Variants in UGT8 observed in about 807,000 individuals in gnomAD.
UGT8 encodes the protein UDP glycosyltransferase 8, also known as 2-hydroxyacylsphingosine 1-beta-galactosyltransferase.
In UGT8, 12 loss-of-function variants were observed where a neutral mutation model predicts 40.5. That is an observed-to-expected ratio of 0.30 (90% CI 0.19 to 0.48). The LOEUF (loss-of-function observed/expected upper bound fraction) is 0.48. UGT8 is among the 20% of genes least tolerant of loss of function. The probability of loss-of-function intolerance (pLI) is 0.99; values close to 1 mark genes in which losing one functional copy is unlikely to be tolerated. For synonymous variants in UGT8, 224 were observed against 240.4 expected (o/e 0.93, Z 0.63); for missense variants, 513 against 648.7 (o/e 0.79, Z 2.27).
At chr4:114,600,606 ATCAC>A (rs1490218533) in intron 1 of UGT8, among the ~76,000 whole-genome samples, 1 of 152,152 alleles carries the variant, frequency 6.6e-6, no homozygotes, top group Non-Finnish European at 1.5e-5. Flanking sequence ...ATATTATTTC[ATCAC>A]TCAGTTATTA....
Position 114,623,714 on chromosome 4 carries a change from C to G in UGT8, c.822+12C>G. On this transcript the variant is annotated intron_variant, in intron 2 of 5. Coordinates refer to ENST00000310836, the MANE Select transcript of UGT8 (RefSeq NM_001128174.3). ...GCCCACTACCAGAAGTAAGGTTTGC[C>G]GAATTCCTTGGTAATTCTTTTTTAA... The G allele has an allele frequency of 2.6e-6, 4 of 1,565,756 alleles. No homozygotes were observed. The highest frequency in any genetic ancestry group is 3.5e-6 in the Non-Finnish European group (4 of 1,158,058).
At chr4:114,637,555 T>G (rs1732961500) in intron 2 of UGT8, among the ~76,000 whole-genome samples, 1 of 152,118 alleles carries the variant, frequency 6.6e-6, no homozygotes, top group Admixed American at 6.5e-5. Flanking sequence ...ACTCCAGTAA[T>G]AAACAGACTT....
chr4:114,664,065 A>G lies in UGT8; in HGVS notation c.893A>G (p.Lys298Arg). 1 of 1,614,138 alleles carries G rather than the reference A, an allele frequency of 6.2e-7. No homozygotes were observed. Among genetic ancestry groups the G allele is most frequent in the Non-Finnish European group, 8.5e-7 (1 of 1,179,988 alleles). ...FVLVSFGAGV[K>R]YLSEDIANKL... ...TTGGTGTCTTTTGGAGCTGGTGTCA[A>G]GTATCTGTCAGAAGACATTGCTAAC... The change falls in exon 3 of 6, where the codon AAG (lysine) becomes AGG (arginine). Residue 298 changes from lysine to arginine, a missense_variant. Coordinates refer to ENST00000310836, the MANE Select transcript of UGT8 (RefSeq NM_001128174.3).
chr4:114,661,905 A>G (rs1734564599), intron 2 of UGT8, among the ~76,000 whole-genome samples: 1 of 152,178 alleles, frequency 6.6e-6, no homozygotes, highest in Admixed American at 6.5e-5. Flanking sequence ...CACCATGTGT[A>G]TTCATATGAT....
chr4:114,641,663 A>T (rs1403000384), intron 2 of UGT8, among the ~76,000 whole-genome samples: 1 of 152,228 alleles, frequency 6.6e-6, no homozygotes, highest in African/African-American at 2.4e-5. Flanking sequence ...CCATTGTAGT[A>T]AAGTGACTGT....
At chr4:114,666,124 A>G (rs977777740) in intron 4 of UGT8, among the ~76,000 whole-genome samples, 5 of 152,166 alleles carry the variant, frequency 3.3e-5, no homozygotes, top group Non-Finnish European at 5.9e-5. Flanking sequence ...AACAATAAGA[A>G]TGTAGATTTA....
At chr4:114,671,929 CA>C (rs1020824043) in intron 5 of UGT8, among the ~76,000 whole-genome samples, 1 of 152,120 alleles carries the variant, frequency 6.6e-6, no homozygotes, top group African/African-American at 2.4e-5. Context: ...ACCCATCTGA[CA>C]AAGGTCTAAT....
chr4:114,654,263 G>A (rs1175592898), intron 2 of UGT8, among the ~76,000 whole-genome samples: 2 of 151,678 alleles, frequency 1.3e-5, no homozygotes, highest in Non-Finnish European at 2.9e-5. Flanking sequence ...TGTTGGTTAT[G>A]TTCTATTCTC....
chr4:114,661,051 C>T (rs1471859770), intron 2 of UGT8, among the ~76,000 whole-genome samples: 1 of 152,018 alleles, frequency 6.6e-6, no homozygotes, highest in Non-Finnish European at 1.5e-5. Context: ...TTCCTTCCTT[C>T]TTTGTCCTTT....
At chr4:114,635,840 C>T (rs1044628065) in intron 2 of UGT8, among the ~76,000 whole-genome samples, 5 of 152,058 alleles carry the variant, frequency 3.3e-5, no homozygotes, top group Non-Finnish European at 7.4e-5. Context: ...GTTATGAAGA[C>T]AGAAAAGTCT....
chr4:114,637,459 C>T (rs1256203589), intron 2 of UGT8, among the ~76,000 whole-genome samples: 8 of 152,108 alleles, frequency 5.3e-5, no homozygotes, highest in African/African-American at 1.9e-4. Context: ...AGTAAGTACA[C>T]ACTTAGTTTT....
At chr4:114,639,622 G>A (rs967131153) in intron 2 of UGT8, among the ~76,000 whole-genome samples, 1 of 152,180 alleles carries the variant, frequency 6.6e-6, no homozygotes, top group African/African-American at 2.4e-5. Flanking sequence ...ATGACCTAAG[G>A]AGGTTGGTTG....
At chr4:114,647,204 C>T (rs1733622950) in intron 2 of UGT8, among the ~76,000 whole-genome samples, 1 of 152,076 alleles carries the variant, frequency 6.6e-6, no homozygotes, top group South Asian at 2.1e-4. Context: ...TAAAAGATGT[C>T]AACTGCTTCC....
At chr4:114,648,962 T>C (rs538365983) in intron 2 of UGT8, among the ~76,000 whole-genome samples, 3 of 152,316 alleles carry the variant, frequency 2.0e-5, no homozygotes, top group Non-Finnish European at 4.4e-5. Context: ...AACATAGAAC[T>C]GGAGCTTAAT....
In UGT8 at chr4:114,606,801, T is replaced by C. The variant is rs543319729; in HGVS notation, c.-3+7827T>C. Among the ~76,000 whole-genome samples, 64 of 151,500 alleles carry C rather than the reference T, an allele frequency of 4.2e-4. 2 individuals are homozygous for C. The highest frequency in any genetic ancestry group is 5.0e-4 in the Non-Finnish European group (34 of 67,758). ...CAAAATAAGCTCAAGAAGGAAAGAA[T>C]AGTGTTTCAGTGTCATATCTGGGCT... On this transcript the variant is annotated intron_variant, in intron 1 of 5. Transcript: ENST00000310836.
chr4:114,615,388 G>A (rs1731342565), intron 1 of UGT8, among the ~76,000 whole-genome samples: 1 of 152,126 alleles, frequency 6.6e-6, no homozygotes, highest in Admixed American at 6.6e-5. Context: ...AGGGTGACCA[G>A]CTCGTCCCCG....
Position 114,601,589 on chromosome 4 carries a change from T to TA in UGT8, c.-3+2624dup, listed in dbSNP as rs36053730. Among the ~76,000 whole-genome samples, 65 of 151,270 alleles carry TA rather than the reference T, an allele frequency of 4.3e-4. No homozygotes were observed. In the East Asian group the frequency reaches 9.1e-3, roughly 21 times the overall value. The stretch of plus-strand genomic sequence containing the variant: ...CTTCACACCGTTTATTACTGAAACT[T>TA]AAAAAAAAAGAGCCATTATAACCCA... On this transcript the variant is annotated intron_variant, in intron 1 of 5. Transcript: ENST00000310836.
rs1291590002 is a variant in UGT8 at position 114,655,510 on chromosome 4, CT to C, written c.823-8478del. On this transcript the variant is annotated intron_variant, in intron 2 of 5. Coordinates refer to ENST00000310836, the MANE Select transcript of UGT8 (RefSeq NM_001128174.3). ...GTGGAATTGTTAAATTGAAAGCTGTCTTTTTTTATTTAATTTTTCTTTTGTA... is the reference window on the plus strand; with the variant it reads ...GTGGAATTGTTAAATTGAAAGCTGTCTTTTTTATTTAATTTTTCTTTTGTA... Among the ~76,000 whole-genome samples, 3 of 151,968 alleles carry C rather than the reference CT, an allele frequency of 2.0e-5. No individual in the cohort carries two copies. The East Asian group carries it at 5.8e-4, about 29-fold the overall frequency.
At chr4:114,626,031 A>G (rs950031077) in intron 2 of UGT8, among the ~76,000 whole-genome samples, 1 of 152,210 alleles carries the variant, frequency 6.6e-6, no homozygotes, top group South Asian at 2.1e-4. Flanking sequence ...GTGGACATAG[A>G]TAAGTATATT....
Sources: gnomAD v4.1 joint callset for allele counts (sites outside exome capture counted in the v4.1 genomes callset) on GRCh38, gnomAD v4.1.1 for gene constraint, MANE v1.5 for transcripts, NCBI Gene and HGNC (gene_info 2026-07-23, HGNC 2026-07-21) for gene names.